The following CACNA1E variants were observed in gnomAD, a reference collection of about 807,000 sequenced individuals.
CACNA1E encodes the protein voltage-dependent R-type calcium channel subunit alpha-1E.
Under a neutral mutation model 259.2 loss-of-function variants are expected in CACNA1E, and 40 were observed. The observed-to-expected ratio is 0.15, with a 90% CI of 0.12 to 0.20. CACNA1E has a LOEUF of 0.20. CACNA1E is among the 10% of genes least tolerant of loss of function. CACNA1E has a pLI of 1.00. For missense variants in CACNA1E, 1,874 were observed against 3,040.1 expected, an observed-to-expected ratio of 0.62 and a Z score of 9.02; for synonymous variants, 1,104 against 1,138.5, an observed-to-expected ratio of 0.97 and a Z score of 0.61.
intron 1 of CACNA1E, among the ~76,000 whole-genome samples, chr1:181,361,767 C>T (rs527798007): frequency 1.3e-5 from 2 of 152,222 alleles, no homozygotes; most frequent in African/African-American, 2.4e-5. Flanking sequence ...TCTTTAAGTC[C>T]CCTGGATGGT....
intron 35 of CACNA1E, among the ~76,000 whole-genome samples, chr1:181,771,064 T>TCGGAGC (rs1366814914): frequency 1.1e-4 from 17 of 152,192 alleles, no homozygotes; most frequent in Non-Finnish European, 2.2e-4. Flanking sequence ...TACGTTATGC[T>TCGGAGC]TGGACCTTGC....
At chr1:181,334,570 T>C (rs1245871796) in intron 1 of CACNA1E, among the ~76,000 whole-genome samples, 1 of 152,218 alleles carries the variant, frequency 6.6e-6, no homozygotes, top group Non-Finnish European at 1.5e-5. Flanking sequence ...CTAATAGCTC[T>C]GGCCAAAAAA....
chr1:181,370,175 C>G (rs1354166334), intron 1 of CACNA1E, among the ~76,000 whole-genome samples: 1 of 151,986 alleles, frequency 6.6e-6, no homozygotes, highest in Admixed American at 6.6e-5. Flanking sequence ...TGCATTCCAA[C>G]TTGGACACTG....
chr1:181,559,376 A>G (rs1649077161), intron 3 of CACNA1E, among the ~76,000 whole-genome samples: 1 of 152,342 alleles, frequency 6.6e-6, no homozygotes, highest in African/African-American at 2.4e-5. Context: ...CCTGGAGATA[A>G]AGACTGGGAG....
rs1558378575 is a variant in CACNA1E at position 181,776,421 on chromosome 1, CCT to C, written c.5267+198_5267+199del. On this transcript the variant is annotated intron_variant, in intron 38 of 47. Transcript: ENST00000367573. This position sits in a 1 kb window ranked among gnomAD's most constrained non-coding sequence, Gnocchi z 4.4. ...CAAGGACTTCTGTATCCTCCTTTCCCCTCTCTTTCCTTCTGTGACAGGGTTTT... is the reference window on the plus strand; with the variant it reads ...CAAGGACTTCTGTATCCTCCTTTCCCCTCTTTCCTTCTGTGACAGGGTTTT... 3 of 567,024 alleles carry C rather than the reference CCT, an allele frequency of 5.3e-6. No homozygotes were observed. The highest frequency in any genetic ancestry group is 2.2e-5 in the South Asian group (1 of 45,678). 35.1% of individuals were successfully genotyped at this position (567,024 alleles called of 1,614,324 possible).
At chr1:181,331,492 A>G (rs564883884) in intron 1 of CACNA1E, among the ~76,000 whole-genome samples, 1 of 152,274 alleles carries the variant, frequency 6.6e-6, no homozygotes, top group African/African-American at 2.4e-5. Context: ...CAGCTCCAGG[A>G]GAGGGTCTTT....
At chr1:181,376,153 A>C (rs1468767855) in intron 1 of CACNA1E, among the ~76,000 whole-genome samples, 1 of 152,200 alleles carries the variant, frequency 6.6e-6, no homozygotes, top group Non-Finnish European at 1.5e-5. Context: ...GAGCTGTAGG[A>C]AGAATTCATG....
intron 44 of CACNA1E, among the ~76,000 whole-genome samples, chr1:181,792,911 C>G (rs1007973687): frequency 6.6e-6 from 1 of 152,142 alleles, no homozygotes; most frequent in African/African-American, 2.4e-5. Flanking sequence ...TGGCACAGTC[C>G]AAAACAATAG....
intron 6 of CACNA1E, among the ~76,000 whole-genome samples, chr1:181,627,163 T>A (rs1656277429): frequency 6.6e-6 from 1 of 152,232 alleles, no homozygotes; most frequent in Non-Finnish European, 1.5e-5. Context: ...AATTTCAAAA[T>A]TCAGTTCATT....
chr1:181,562,387 C>T (rs1649413625), intron 3 of CACNA1E, among the ~76,000 whole-genome samples: 1 of 152,100 alleles, frequency 6.6e-6, no homozygotes, highest in African/African-American at 2.4e-5. Flanking sequence ...TGCTATGGAA[C>T]TTTTTTTCAT....
chr1:181,407,914 A>G (rs921414920), intron 1 of CACNA1E, among the ~76,000 whole-genome samples: 21 of 152,204 alleles, frequency 1.4e-4, no homozygotes, highest in Admixed American at 1.1e-3. Flanking sequence ...TCCATCTTAT[A>G]ACTTTTAATT....
intron 27 of CACNA1E, among the ~76,000 whole-genome samples, chr1:181,754,037 C>T (rs574468659): frequency 7.2e-5 from 11 of 152,234 alleles, no homozygotes; most frequent in Non-Finnish European, 1.6e-4. Context: ...TTACCACCTT[C>T]CTGCCCATAA....
chr1:181,499,283 T>G (rs528804158), intron 1 of CACNA1E, among the ~76,000 whole-genome samples: 1 of 152,176 alleles, frequency 6.6e-6, no homozygotes, highest in Non-Finnish European at 1.5e-5. Flanking sequence ...TTGAGAACAA[T>G]TGAGTACTCC....
intron 6 of CACNA1E, among the ~76,000 whole-genome samples, chr1:181,596,072 G>A (rs1653126234): frequency 6.6e-6 from 1 of 152,216 alleles, no homozygotes. Context: ...AAGTGGAGAA[G>A]TGGGCGGTGA....
At chr1:181,616,507 T>C (rs1479730947) in intron 6 of CACNA1E, among the ~76,000 whole-genome samples, 1 of 152,122 alleles carries the variant, frequency 6.6e-6, no homozygotes, top group Non-Finnish European at 1.5e-5. Context: ...GAGGTCGAGA[T>C]TGAGACCATC....
chr1:181,391,925 GTCTCTCTC>G lies in CACNA1E; in HGVS notation c.-14-21194_-14-21187del, dbSNP rs58946698. ...TCTCTCTCTGTCTTTCTCTCTCTCT[GTCTCTCTC>G]TCTCTCTCTCTCTGTGTGTGTGTGT... On this transcript the variant is annotated intron_variant, in intron 1 of 11. Transcript: ENST00000524607. 6.5e-3 allele frequency among the ~76,000 whole-genome samples: 954 copies of G among 147,784 alleles called. 4 individuals carry two copies. The highest frequency in any genetic ancestry group is 0.013 in the African/African-American group (516 of 39,590).
At chr1:181,539,376 A>G (rs78331069) in intron 3 of CACNA1E, among the ~76,000 whole-genome samples, 1 of 152,338 alleles carries the variant, frequency 6.6e-6, no homozygotes, top group East Asian at 1.9e-4. Flanking sequence ...ATAATGACTG[A>G]ACAAGCTAAT....
At chr1:181,490,518 C>T (rs1046184772) in intron 1 of CACNA1E, among the ~76,000 whole-genome samples, 31 of 150,552 alleles carry the variant, frequency 2.1e-4, no homozygotes, top group Non-Finnish European at 3.7e-4. Context: ...AGAGAGAGGC[C>T]CTGCCTGGCA....
intron 3 of CACNA1E, among the ~76,000 whole-genome samples, chr1:181,523,314 T>C (rs1381929241): frequency 6.6e-6 from 1 of 152,258 alleles, no homozygotes; most frequent in African/African-American, 2.4e-5. Context: ...GCACTGGCTG[T>C]TTCCTGAATA....
Sources: allele counts gnomAD v4.1 joint callset (sites outside exome capture counted in the v4.1 genomes callset), GRCh38; gene constraint gnomAD v4.1.1; non-coding constraint Gnocchi (gnomAD v3.1); transcripts MANE v1.5; gene names NCBI Gene and HGNC (gene_info 2026-07-23, HGNC 2026-07-21).